Variants in ARHGEF38 observed in about 807,000 individuals in gnomAD.
ARHGEF38 encodes the protein Rho guanine nucleotide exchange factor (GEF) 38.
Under a neutral mutation model 79.9 loss-of-function variants are expected in ARHGEF38, and 79 were observed. The observed-to-expected ratio is 0.99, with a 90% confidence interval of 0.82 to 1.19. The LOEUF (loss-of-function observed/expected upper bound fraction) is 1.19. ARHGEF38 is among the 50% of genes most tolerant of loss of function. The pLI, the probability that ARHGEF38 is intolerant of heterozygous loss-of-function variation, is 0.00. For missense variants in ARHGEF38, 962 were observed against 907.2 expected (o/e 1.06, Z -0.78); for synonymous variants, 366 against 328.3 (o/e 1.11, Z -1.24).
At chr4:105,589,496 A>C in intron 2 of ARHGEF38, 61 bp downstream of exon 2, 4 of 1,449,120 alleles carry the variant, frequency 2.8e-6, no homozygotes, top group Non-Finnish European at 3.7e-6. Flanking sequence ...CACTAGCACC[A>C]TGAAATTGAA....
chr4:105,579,311 T>C (rs1417497613), intron 1 of ARHGEF38, among the ~76,000 whole-genome samples: 11 of 152,178 alleles, frequency 7.2e-5, no homozygotes, highest in African/African-American at 2.7e-4. Flanking sequence ...CTTGTGCCAG[T>C]TTTTAAGGGG....
At chr4:105,659,815 A>G (rs1239742199) in intron 10 of ARHGEF38, among the ~76,000 whole-genome samples, 1 of 146,152 alleles carries the variant, frequency 6.8e-6, no homozygotes, top group African/African-American at 2.6e-5. Flanking sequence ...CTTTGTTTTG[A>G]TTTCATTTTT....
chr4:105,561,419 A>AGAATAGAATG (rs1560684256), intron 1 of ARHGEF38, among the ~76,000 whole-genome samples: 2 of 46,044 alleles, frequency 4.3e-5, no homozygotes, highest in Non-Finnish European at 4.2e-5. Context: ...AGAATAGAAT[A>AGAATAGAATG]GAATGGAATA....
chr4:105,599,168 A>G (rs115205247), intron 2 of ARHGEF38, among the ~76,000 whole-genome samples: 3,204 of 152,234 alleles, frequency 0.021, 69 homozygotes, highest in Middle Eastern at 0.068. Context: ...TTGCTTGTTC[A>G]GAAAGTCTCA....
Position 105,665,358 on chromosome 4 carries a change from G to A in ARHGEF38, c.1546-819G>A, listed in dbSNP as rs181898033. 1.6e-4 allele frequency among the ~76,000 whole-genome samples: 24 copies of A among 151,986 alleles called. No individual in the cohort carries two copies. The East Asian group carries it at 3.9e-3, about 25-fold the overall frequency. On this transcript the variant is annotated intron_variant, in intron 10 of 13. Coordinates refer to ENST00000420470, the MANE Select transcript of ARHGEF38 (RefSeq NM_001242729.2). ...AAATACAAAAAATAATTAGCTGGGC[G>A]TGGTGATGCGTGGCTATAATCCCAG...
chr4:105,558,581 T>C (rs1299116261), intron 1 of ARHGEF38, among the ~76,000 whole-genome samples: 5 of 152,208 alleles, frequency 3.3e-5, no homozygotes, highest in Non-Finnish European at 7.4e-5. Context: ...TCTTACTGCA[T>C]ATATAGAAAC....
chr4:105,572,705 T>C (rs925445885), intron 1 of ARHGEF38, among the ~76,000 whole-genome samples: 1 of 152,220 alleles, frequency 6.6e-6, no homozygotes, highest in Admixed American at 6.5e-5. Context: ...GGTTATAACA[T>C]ATGTCATAAT....
intron 3 of ARHGEF38, among the ~76,000 whole-genome samples, chr4:105,629,261 G>A (rs955484172): frequency 2.6e-5 from 4 of 151,990 alleles, no homozygotes; most frequent in Non-Finnish European, 5.9e-5. Context: ...GCTGGGGAGG[G>A]GTATGTGCTA....
At chr4:105,553,029 T>C in intron 1 of ARHGEF38, 68 bp downstream of exon 1, 1 of 1,305,500 alleles carries the variant, frequency 7.7e-7, no homozygotes, top group Non-Finnish European at 1.0e-6. Context: ...CGTTTCCAAT[T>C]GCAAAGAAAA....
chr4:105,602,324 G>T (rs760940711), intron 2 of ARHGEF38, among the ~76,000 whole-genome samples: 2 of 152,156 alleles, frequency 1.3e-5, no homozygotes, highest in African/African-American at 2.4e-5. Flanking sequence ...AGGAATTTGA[G>T]ATCTTTTCTG....
chr4:105,670,366 A>G (rs569961319), intron 13 of ARHGEF38, among the ~76,000 whole-genome samples: 1 of 152,132 alleles, frequency 6.6e-6, no homozygotes, highest in South Asian at 2.1e-4. Context: ...TGGGGTTTTA[A>G]TTTGCATTTC....
intron 7 of ARHGEF38, 118 bp from the exon 8 acceptor site, chr4:105,653,947 A>T: frequency 2.2e-6 from 1 of 458,968 alleles, no homozygotes; most frequent in Non-Finnish European, 3.8e-6. Context: ...ATGTCATCAA[A>T]TGTTTTCATA....
In ARHGEF38 at chr4:105,679,027, C is replaced by A; in HGVS notation, c.*1090C>A. The A allele has an allele frequency of 2.6e-6, 1 of 388,190 alleles. No homozygotes were observed. Among genetic ancestry groups the A allele is most frequent in the Non-Finnish European group, 4.1e-6 (1 of 241,186 alleles). 24.0% of individuals were successfully genotyped at this position (388,190 alleles called of 1,614,324 possible). A position where few individuals can be genotyped will look rare whatever the true frequency, so the allele number is the denominator to read the frequency against. On this transcript the variant is annotated 3_prime_UTR_variant, in exon 14 of 14. Transcript: ENST00000420470. ...TTAGGTAGAAATAGGCAAGCTCACA[C>A]TGCTAAATTAACTATCAAATACTCA...
Position 105,659,216 on chromosome 4 carries a change from T to C in ARHGEF38, c.1396T>C (p.Tyr466His). 1.3e-6 allele frequency: 2 copies of C among 1,535,698 alleles called. No homozygotes were observed. Among genetic ancestry groups the C allele is most frequent in the African/African-American group, 1.4e-5 (1 of 72,946 alleles). Residue 466 changes from tyrosine (Y) to histidine (H), a missense_variant, in exon 10 of 14, where the codon TAT (tyrosine) becomes CAT (histidine). By Grantham distance (83) the Tyr-to-His change is moderately conservative (BLOSUM62 2). Coordinates refer to ENST00000420470, the MANE Select transcript of ARHGEF38 (RefSeq NM_001242729.2). ...GGAGTCAGACTTGGCCAAAAAGGAG[T>C]ATGAGGCCCTCAACGCCCAGCTTGT... ...GEESDLAKKE[Y>H]EALNAQLVEE...
chr4:105,592,909 T>A lies in ARHGEF38; in HGVS notation c.384+3474T>A, dbSNP rs77763393. Among the ~76,000 whole-genome samples, 1,456 of 152,270 alleles carry A rather than the reference T, an allele frequency of 9.6e-3. 16 individuals carry two copies. The highest frequency in any genetic ancestry group is 0.041 in the Middle Eastern group (12 of 294). Reference sequence around the variant, plus strand: ...CCCGCTTCTAATGAAGGATGACCTCTCTCTGCTAGTGCAGTGGATTCTATC... The same window carrying A: ...CCCGCTTCTAATGAAGGATGACCTCACTCTGCTAGTGCAGTGGATTCTATC... On this transcript the variant is annotated intron_variant, in intron 2 of 13. Transcript: ENST00000420470.
intron 13 of ARHGEF38, among the ~76,000 whole-genome samples, chr4:105,671,013 G>A (rs1730940467): frequency 6.6e-6 from 1 of 151,970 alleles, no homozygotes; most frequent in South Asian, 2.1e-4. Context: ...TATATAATGT[G>A]AATTACATCC....
At chr4:105,612,449 C>T (rs1181527513) in intron 2 of ARHGEF38, among the ~76,000 whole-genome samples, 2 of 152,114 alleles carry the variant, frequency 1.3e-5, no homozygotes, top group East Asian at 1.9e-4. Flanking sequence ...TAATTATCCA[C>T]CTATGACCTC....
intron 3 of ARHGEF38, among the ~76,000 whole-genome samples, chr4:105,627,020 T>C (rs1728976395): frequency 6.6e-6 from 1 of 152,146 alleles, no homozygotes; most frequent in Admixed American, 6.6e-5. Context: ...AAGGGCTGAA[T>C]AGGTAACCCT....
chr4:105,559,918 A>G (rs1346024549), intron 1 of ARHGEF38, among the ~76,000 whole-genome samples: 2 of 152,286 alleles, frequency 1.3e-5, no homozygotes, highest in African/African-American at 4.8e-5. Context: ...CTGAATCCCA[A>G]CTTCTCTTCT....
Sources: allele counts gnomAD v4.1 joint callset (sites outside exome capture counted in the v4.1 genomes callset), GRCh38; gene constraint gnomAD v4.1.1; transcripts MANE v1.5; gene names NCBI Gene and HGNC (gene_info 2026-07-23, HGNC 2026-07-21).